Variants in KCNMB2 observed in about 807,000 individuals in gnomAD.
The protein encoded by KCNMB2 is calcium-activated potassium channel subunit beta-2.
KCNMB2 carries 9 observed loss-of-function variants against 24.5 expected under a neutral mutation model. That is an observed-to-expected ratio of 0.37 (90% CI 0.22 to 0.64). KCNMB2 has a LOEUF of 0.64. Among genes scored for constraint, KCNMB2 ranks in the 30% least tolerant of loss-of-function variants. The pLI, the probability that KCNMB2 is intolerant of heterozygous loss-of-function variation, is 0.63. For missense variants in KCNMB2, 226 were observed against 284.3 expected, an observed-to-expected ratio of 0.79 and a Z score of 1.47; for synonymous variants, 109 against 104.4, an observed-to-expected ratio of 1.04 and a Z score of -0.27.
intron 1 of KCNMB2, among the ~76,000 whole-genome samples, chr3:178,731,920 T>G (rs941601379): frequency 6.6e-6 from 1 of 152,030 alleles, no homozygotes; most frequent in Non-Finnish European, 1.5e-5. Context: ...AAAATCTGAA[T>G]CTGATTAAGC....
At chr3:178,813,904 C>T (rs1401455045) in intron 2 of KCNMB2, among the ~76,000 whole-genome samples, 1 of 152,064 alleles carries the variant, frequency 6.6e-6, no homozygotes, top group East Asian at 1.9e-4. Context: ...CATTATCCTG[C>T]CAAAAAAGAA....
chr3:178,561,472 TGGCTCTAC>T (rs1305757593), intron 1 of KCNMB2, among the ~76,000 whole-genome samples: 1 of 152,174 alleles, frequency 6.6e-6, no homozygotes, highest in African/African-American at 2.4e-5. Flanking sequence ...TGAAACTAAA[TGGCTCTAC>T]GACTCTCAGT....
At chr3:178,600,322 G>A (rs1214549004) in intron 1 of KCNMB2, among the ~76,000 whole-genome samples, 1 of 152,126 alleles carries the variant, frequency 6.6e-6, no homozygotes, top group Non-Finnish European at 1.5e-5. Context: ...CCATCAACAA[G>A]CATTTGGGTT....
At chr3:178,608,384 AT>A (rs1474842374) in intron 1 of KCNMB2, among the ~76,000 whole-genome samples, 1 of 139,470 alleles carries the variant, frequency 7.2e-6, no homozygotes, top group Admixed American at 7.5e-5. Flanking sequence ...TTTTTAATTT[AT>A]CCTTTTTTTA....
At chr3:178,596,032 G>T (rs1212460481) in intron 1 of KCNMB2, among the ~76,000 whole-genome samples, 1 of 151,990 alleles carries the variant, frequency 6.6e-6, no homozygotes, top group African/African-American at 2.4e-5. Context: ...AATGTGTCTG[G>T]ACTCAGCTTG....
At chr3:178,777,816 T>A (rs1364801049) in intron 1 of KCNMB2, among the ~76,000 whole-genome samples, 2 of 152,202 alleles carry the variant, frequency 1.3e-5, no homozygotes, top group Admixed American at 1.3e-4. Flanking sequence ...TTTTAGTAAA[T>A]TCCATAAAGT....
At position 178,660,688 on chromosome 3, in the gene KCNMB2, CAGTTGAGCAAACTA is replaced by C. The variant is rs558219460; in HGVS notation, c.-68+123980_-68+123993del. ...AGTTGGTTTGGTGAATGTTATTTTA[CAGTTGAGCAAACTA>C]AGACTCGGAGAGGTTAAAATGACTT... On this transcript the variant is annotated intron_variant, in intron 1 of 4. Coordinates refer to ENST00000452583, the MANE Select transcript of KCNMB2 (RefSeq NM_181361.3). Among the ~76,000 whole-genome samples, 217 of 152,280 alleles carry C rather than the reference CAGTTGAGCAAACTA, an allele frequency of 1.4e-3. 3 individuals are homozygous for C. Among genetic ancestry groups the C allele is most frequent in the African/African-American group, 5.1e-3 (211 of 41,562 alleles).
At chr3:178,738,128 C>G (rs897669277) in intron 1 of KCNMB2, among the ~76,000 whole-genome samples, 4 of 152,162 alleles carry the variant, frequency 2.6e-5, no homozygotes, top group Non-Finnish European at 2.9e-5. Context: ...ACTCCTCCCC[C>G]TCCACTACTC....
chr3:178,570,455 A>T (rs2108476007), intron 1 of KCNMB2, among the ~76,000 whole-genome samples: 1 of 151,980 alleles, frequency 6.6e-6, no homozygotes, highest in Admixed American at 6.6e-5. Flanking sequence ...CTGCAATAGA[A>T]GGTCATTATA....
intron 1 of KCNMB2, among the ~76,000 whole-genome samples, chr3:178,555,005 T>C (rs951138234): frequency 6.6e-6 from 1 of 152,208 alleles, no homozygotes; most frequent in African/African-American, 2.4e-5. Context: ...GTTCTTGTCA[T>C]TTAAATTAGA....
intron 2 of KCNMB2, among the ~76,000 whole-genome samples, chr3:178,810,620 A>G (rs903119101): frequency 6.6e-6 from 1 of 152,214 alleles, no homozygotes. Flanking sequence ...TCTTCTATAT[A>G]CAAAACATAA....
At chr3:178,670,980 C>G (rs1161553818) in intron 1 of KCNMB2, among the ~76,000 whole-genome samples, 6 of 152,072 alleles carry the variant, frequency 3.9e-5, no homozygotes, top group Non-Finnish European at 1.5e-5. Flanking sequence ...GAGGTTGGAG[C>G]AAGTAACAGG....
chr3:178,796,144 G>A (rs1231018531), intron 1 of KCNMB2, among the ~76,000 whole-genome samples: 1 of 151,968 alleles, frequency 6.6e-6, no homozygotes, highest in Non-Finnish European at 1.5e-5. Flanking sequence ...CTTGGAAAAA[G>A]AAGAAAATGT....
chr3:178,765,945 A>G, intron 1 of KCNMB2, among the ~76,000 whole-genome samples: 1 of 152,210 alleles, frequency 6.6e-6, no homozygotes, highest in Non-Finnish European at 1.5e-5. Context: ...AATATTCCAG[A>G]GTCTACTTTC....
intron 1 of KCNMB2, among the ~76,000 whole-genome samples, chr3:178,593,086 G>A (rs1717736651): frequency 6.6e-6 from 1 of 151,918 alleles, no homozygotes; most frequent in Non-Finnish European, 1.5e-5. Context: ...ATCTCTATGG[G>A]TCCTGCCAAC....
At chr3:178,542,323 G>T (rs551874386) in intron 1 of KCNMB2, among the ~76,000 whole-genome samples, 14 of 152,212 alleles carry the variant, frequency 9.2e-5, no homozygotes, top group Non-Finnish European at 1.6e-4. Context: ...TACCTGGTTG[G>T]GTTGAAGTTT....
chr3:178,781,837 A>T (rs750856650), intron 1 of KCNMB2, among the ~76,000 whole-genome samples: 7 of 150,174 alleles, frequency 4.7e-5, no homozygotes, highest in Middle Eastern at 3.4e-3. Flanking sequence ...ATGTGCACAT[A>T]GTGCAGGTTA....
chr3:178,688,476 G>C (rs560741821), intron 1 of KCNMB2, among the ~76,000 whole-genome samples: 1 of 152,186 alleles, frequency 6.6e-6, no homozygotes, highest in East Asian at 1.9e-4. Context: ...AGAGACCAAG[G>C]AATAGAAATT....
intron 1 of KCNMB2, among the ~76,000 whole-genome samples, chr3:178,555,569 A>C (rs1716095352): frequency 6.6e-6 from 1 of 152,268 alleles, no homozygotes; most frequent in Non-Finnish European, 1.5e-5. Context: ...GTTGTTATAA[A>C]AGCATGGGCT....
Sources: allele counts gnomAD v4.1 joint callset (sites outside exome capture counted in the v4.1 genomes callset), GRCh38; gene constraint gnomAD v4.1.1; transcripts MANE v1.5; gene names NCBI Gene and HGNC (gene_info 2026-07-23, HGNC 2026-07-21).